COL5A1: variants seen among roughly 807,000 people sequenced by gnomAD.
The protein encoded by COL5A1 is collagen alpha-1(V) chain.
A neutral mutation model predicts 263.7 loss-of-function variants in COL5A1; 16 were observed. The ratio of observed to expected loss-of-function variants is 0.06; its 90% CI spans 0.04 to 0.09. The LOEUF (loss-of-function observed/expected upper bound fraction) is 0.09, where lower values mean the gene tolerates loss of function less well. Among genes scored for constraint, COL5A1 ranks in the 10% least tolerant of loss-of-function variants. COL5A1 has a pLI of 1.00. For synonymous variants in COL5A1, 1,012 were observed against 1,004.5 expected, an observed-to-expected ratio of 1.01 and a Z score of -0.14; for missense variants, 2,036 against 2,540.5, an observed-to-expected ratio of 0.80 and a Z score of 4.27.
rs923739158 is a variant in COL5A1 at position 134,696,853 on chromosome 9, G to A, written c.278-3056G>A. ...TGGGAGGCCAAGGCAGGCGGATCAC[G>A]AGGTCAGGAGATCGAGACCATCCTG... On this transcript the variant is annotated intron_variant, in intron 2 of 65. Transcript: ENST00000371817. The surrounding 1 kb of genome is among the most constrained non-coding windows in gnomAD (Gnocchi z 4.3). Among the ~76,000 whole-genome samples, 11 of 152,146 alleles carry A rather than the reference G, an allele frequency of 7.2e-5. No individual in the cohort carries two copies. The highest frequency in any genetic ancestry group is 3.4e-3 in the Middle Eastern group (1 of 294).
chr9:134,765,819 G>C lies in COL5A1; in HGVS notation c.2088+85G>C. The C allele has an allele frequency of 3.3e-6, 4 of 1,194,596 alleles. No individual in the cohort carries two copies. Among genetic ancestry groups the C allele is most frequent in the Non-Finnish European group, 4.9e-6 (4 of 824,310 alleles). The allele number at this position is 1,194,596 out of a possible 1,614,324, so 74.0% of individuals were successfully genotyped here. ...CCAGCCGGTGGACGCTTGGGCACTG[G>C]GGCAGCAAGTCCGTGCTGGCCCCTC... On this transcript the variant is annotated intron_variant, in intron 21 of 65. Coordinates refer to ENST00000371817, the MANE Select transcript of COL5A1 (RefSeq NM_000093.5). The surrounding 1 kb of genome is among the most constrained non-coding windows in gnomAD (Gnocchi z 5.1).
At chr9:134,644,236 C>CA (rs1831397275) in intron 1 of COL5A1, among the ~76,000 whole-genome samples, 1 of 33,940 alleles carries the variant, frequency 2.9e-5, no homozygotes, top group African/African-American at 1.2e-4. Context: ...GAGATGCAGG[C>CA]GTGGCGGGGA....
Position 134,810,354 on chromosome 9 carries a change from G to T in COL5A1, c.3528+46G>T, listed in dbSNP as rs3827850. The T allele has an allele frequency of 1.3e-5, 21 of 1,593,224 alleles. No homozygotes were observed. In the African/African-American group the frequency reaches 1.9e-4, roughly 14 times the overall value. On this transcript the variant is annotated intron_variant, in intron 44 of 65. Transcript: ENST00000371817. ...GCGCGGCAGCCCCCAGGTCCCGGGG[G>T]GCCTCGTCGCAGGCTGTAGGCCGTG...
chr9:134,642,215 C>T lies in COL5A1; in HGVS notation c.28C>T (p.Arg10Cys), dbSNP rs1457110544. The change falls in exon 1 of 66, where the codon CGC (arginine) becomes TGC (cysteine). Residue 10 changes from arginine (R) to cysteine (C), a missense_variant. Transcript: ENST00000371817. This position sits in a 1 kb window ranked among gnomAD's most constrained non-coding sequence, Gnocchi z 4.5. ...GGACGTCCATACCCGCTGGAAAGCGCGCAGCGCGCTCCGCCCGGGCGCCCC... is the reference window on the plus strand; with the variant it reads ...GGACGTCCATACCCGCTGGAAAGCGTGCAGCGCGCTCCGCCCGGGCGCCCC... MDVHTRWKARSALRPGAPLL... is the reference protein window; with the variant it reads MDVHTRWKACSALRPGAPLL... The T allele has an allele frequency of 3.4e-5, 45 of 1,304,810 alleles. No homozygotes were observed. The highest frequency in any genetic ancestry group is 4.3e-5 in the Non-Finnish European group (44 of 1,023,862). 80.8% of individuals were successfully genotyped at this position (1,304,810 alleles called of 1,614,324 possible).
intron 1 of COL5A1, among the ~76,000 whole-genome samples, chr9:134,689,440 C>G (rs1023891042): frequency 6.6e-6 from 1 of 152,202 alleles, no homozygotes; most frequent in Admixed American, 6.5e-5. Context: ...ATGTTGGGAT[C>G]TAACTCCAAT....
intron 41 of COL5A1, 70 bp from the exon 42 acceptor site, chr9:134,806,119 G>T (rs1356123900): frequency 2.6e-6 from 3 of 1,141,948 alleles, no homozygotes; most frequent in Non-Finnish European, 3.9e-6. Flanking sequence ...TGATCAGCTG[G>T]TGCTTTACAA....
At chr9:134,745,477 C>G (rs1835476948) in intron 11 of COL5A1, among the ~76,000 whole-genome samples, 1 of 152,144 alleles carries the variant, frequency 6.6e-6, no homozygotes, top group Non-Finnish European at 1.5e-5. Context: ...GCAGGTCTTA[C>G]CCAGAGCCCC....
intron 1 of COL5A1, among the ~76,000 whole-genome samples, chr9:134,646,938 TG>T (rs1189185952): frequency 1.3e-5 from 2 of 152,164 alleles, no homozygotes; most frequent in African/African-American, 4.8e-5. Flanking sequence ...CTCGTGAACA[TG>T]GGGAGAACCA....
chr9:134,773,794 A>G (rs963368696), intron 26 of COL5A1, among the ~76,000 whole-genome samples: 3 of 152,184 alleles, frequency 2.0e-5, no homozygotes, highest in African/African-American at 4.8e-5. Context: ...CACTTCTCCA[A>G]CGTGCTGCCT....
intron 58 of COL5A1, among the ~76,000 whole-genome samples, chr9:134,820,775 C>T (rs377211132): frequency 2.6e-5 from 4 of 152,120 alleles, no homozygotes; most frequent in South Asian, 4.1e-4. Context: ...GGGAGGGTGA[C>T]GTGTGCCATG....
intron 29 of COL5A1, among the ~76,000 whole-genome samples, chr9:134,783,173 C>A (rs569946462): frequency 1.3e-5 from 2 of 152,234 alleles, no homozygotes; most frequent in African/African-American, 4.8e-5. Flanking sequence ...CAGCACGCGA[C>A]GTGGGTCTAG....
At chr9:134,809,456 A>G (rs1838430404) in intron 43 of COL5A1, among the ~76,000 whole-genome samples, 166 bp downstream of exon 43, 4 of 152,106 alleles carry the variant, frequency 2.6e-5, no homozygotes, top group Admixed American at 2.6e-4. Flanking sequence ...ATTTCACAGC[A>G]GCCCACTGGT....
intron 64 of COL5A1, among the ~76,000 whole-genome samples, chr9:134,834,031 G>C (rs1266570419): frequency 6.6e-6 from 1 of 152,192 alleles, no homozygotes; most frequent in Admixed American, 6.5e-5. Context: ...GCCAGGTGGG[G>C]AGTGTCCCAG....
At position 134,752,991 on chromosome 9, in the gene COL5A1, T is replaced by C. The variant is rs146033599; in HGVS notation, c.1719+346T>C. Among the ~76,000 whole-genome samples, 751 of 152,200 alleles carry C rather than the reference T, an allele frequency of 4.9e-3. 5 individuals are homozygous for C. The highest frequency in any genetic ancestry group is 7.2e-3 in the Admixed American group (110 of 15,300). ...AGAGGAGGAGGCCCCTCCTCACCCCTGCATTGGAGTTCCAGGCTCCCCCTG... is the reference window on the plus strand; with the variant it reads ...AGAGGAGGAGGCCCCTCCTCACCCCCGCATTGGAGTTCCAGGCTCCCCCTG... On this transcript the variant is annotated intron_variant, in intron 14 of 65. Transcript: ENST00000371817.
In COL5A1 at chr9:134,789,282, G is replaced by A. The variant is rs777341350; in HGVS notation, c.2700+74G>A. On this transcript the variant is annotated intron_variant, in intron 32 of 65. Coordinates refer to ENST00000371817, the MANE Select transcript of COL5A1 (RefSeq NM_000093.5). This position sits in a 1 kb window ranked among gnomAD's most constrained non-coding sequence, Gnocchi z 4.8. ...TGCCTAGCAAGTTGGTTCTCCAGCC[G>A]ACGGCCTGTTTATTTCTCACTCTCT... The A allele has an allele frequency of 4.1e-5, 51 of 1,249,068 alleles. No individual in the cohort carries two copies. The highest frequency in any genetic ancestry group is 2.5e-4 in the African/African-American group (17 of 67,926). 77.4% of individuals were successfully genotyped at this position (1,249,068 alleles called of 1,614,324 possible).
At chr9:134,698,927 C>G (rs1286330146) in intron 2 of COL5A1, among the ~76,000 whole-genome samples, 1 of 152,246 alleles carries the variant, frequency 6.6e-6, no homozygotes, top group Non-Finnish European at 1.5e-5. Flanking sequence ...CCTGGGCCCC[C>G]CTTCCTTGGC....
Position 134,700,202 on chromosome 9 carries a change from C to A in COL5A1, c.491+80C>A. 2.2e-6 allele frequency: 3 copies of A among 1,360,220 alleles called. No individual in the cohort carries two copies. The highest frequency in any genetic ancestry group is 3.1e-6 in the Non-Finnish European group (3 of 976,580). The allele number at this position is 1,360,220 out of a possible 1,614,324, so 84.3% of individuals were successfully genotyped here. A position where few individuals can be genotyped will look rare whatever the true frequency, so the allele number is the denominator to read the frequency against. ...CTCATACCACTGACCAGATGTGGGG[C>A]ACAGTAGAGGACGTGCAGCAGCCGG... is the stretch of plus-strand genomic sequence containing the variant. On this transcript the variant is annotated intron_variant, in intron 3 of 65. Transcript: ENST00000371817. The surrounding 1 kb of genome is among the most constrained non-coding windows in gnomAD (Gnocchi z 4.0).
intron 39 of COL5A1, among the ~76,000 whole-genome samples, chr9:134,803,576 A>C (rs1838188878): frequency 6.6e-6 from 1 of 152,224 alleles, no homozygotes; most frequent in Non-Finnish European, 1.5e-5. Context: ...CGGAGGTTGC[A>C]GTGTGCCAAG....
chr9:134,830,942 G>A (rs1433309402), intron 64 of COL5A1, among the ~76,000 whole-genome samples: 3 of 152,182 alleles, frequency 2.0e-5, no homozygotes, highest in Non-Finnish European at 4.4e-5. Context: ...TTTTCTCCCA[G>A]CAAGTTAAAG....
Sources: allele counts gnomAD v4.1 joint callset (sites outside exome capture counted in the v4.1 genomes callset), GRCh38; gene constraint gnomAD v4.1.1; non-coding constraint Gnocchi (gnomAD v3.1); transcripts MANE v1.5; gene names NCBI Gene and HGNC (gene_info 2026-07-23, HGNC 2026-07-21).